The following SGCZ variants were observed in gnomAD, a reference collection of about 807,000 sequenced individuals.
The protein encoded by SGCZ is sarcoglycan zeta.
A neutral mutation model predicts 41.3 loss-of-function variants in SGCZ; 40 were observed. The observed-to-expected ratio is 0.97, with a 90% confidence interval of 0.75 to 1.26. The LOEUF is 1.26. Ranked by LOEUF, SGCZ falls within the 50% of genes most tolerant of loss-of-function variation. SGCZ has a pLI of 0.00. For synonymous variants in SGCZ, 206 were observed against 137.5 expected (o/e 1.50, Z -3.49); for missense variants, 552 against 369.8 (o/e 1.49, Z -4.04).
chr8:14,551,535 TATATATA>T (rs1563404619), intron 2 of SGCZ, among the ~76,000 whole-genome samples: 40 of 4,616 alleles, frequency 8.7e-3, no homozygotes, highest in East Asian at 0.034. Context: ...ATATATATAA[TATATATA>T]ATATATATAA....
intron 1 of SGCZ, among the ~76,000 whole-genome samples, chr8:14,829,361 G>T (rs1017406584): frequency 6.6e-6 from 1 of 152,214 alleles, no homozygotes; most frequent in African/African-American, 2.4e-5. Flanking sequence ...TAAATGGCTG[G>T]TATCATCCCT....
At chr8:14,983,244 G>C (rs969851817) in intron 1 of SGCZ, among the ~76,000 whole-genome samples, 1 of 151,072 alleles carries the variant, frequency 6.6e-6, no homozygotes, top group Non-Finnish European at 1.5e-5. Flanking sequence ...GGAGTGCAGT[G>C]GTGTAATCAT....
chr8:14,769,103 C>T (rs779053840), intron 1 of SGCZ, among the ~76,000 whole-genome samples: 3 of 151,688 alleles, frequency 2.0e-5, no homozygotes, highest in Non-Finnish European at 4.4e-5. Context: ...AAAATAAATC[C>T]GCCGAATAAA....
intron 1 of SGCZ, among the ~76,000 whole-genome samples, chr8:15,139,676 A>G (rs1808249082): frequency 6.6e-6 from 1 of 152,188 alleles, no homozygotes; most frequent in African/African-American, 2.4e-5. Flanking sequence ...ACCATAAAAT[A>G]TTTTAACTAT....
At chr8:14,975,461 A>G (rs1247418505) in intron 1 of SGCZ, among the ~76,000 whole-genome samples, 3 of 152,160 alleles carry the variant, frequency 2.0e-5, no homozygotes, top group Non-Finnish European at 4.4e-5. Context: ...AATCTGAAAG[A>G]TATGTAGGCT....
At chr8:14,312,445 G>A (rs1801578322) in intron 3 of SGCZ, among the ~76,000 whole-genome samples, 1 of 152,086 alleles carries the variant, frequency 6.6e-6, no homozygotes. Flanking sequence ...TATACTAGTT[G>A]GAGAACAATT....
chr8:14,179,199 G>A (rs1284859343), intron 4 of SGCZ, among the ~76,000 whole-genome samples: 1 of 152,180 alleles, frequency 6.6e-6, no homozygotes, highest in African/African-American at 2.4e-5. Context: ...ACAGTCCCAT[G>A]TGTCCTGTGA....
At chr8:14,599,732 T>C (rs1015742022) in intron 1 of SGCZ, among the ~76,000 whole-genome samples, 24 of 152,210 alleles carry the variant, frequency 1.6e-4, no homozygotes, top group Non-Finnish European at 3.1e-4. Flanking sequence ...ACTCCTCTAC[T>C]CTTTCTTTTT....
At chr8:14,633,250 C>T (rs1806717552) in intron 1 of SGCZ, among the ~76,000 whole-genome samples, 1 of 151,910 alleles carries the variant, frequency 6.6e-6, no homozygotes, top group Admixed American at 6.6e-5. Context: ...ATAGACAGCA[C>T]AGTTTATTGG....
chr8:14,171,899 C>G (rs1355090609), intron 4 of SGCZ, among the ~76,000 whole-genome samples: 1 of 152,030 alleles, frequency 6.6e-6, no homozygotes, highest in Non-Finnish European at 1.5e-5. Flanking sequence ...GAATTAAATG[C>G]TGAACAAGAA....
chr8:14,390,051 G>C (rs59067824), intron 2 of SGCZ, among the ~76,000 whole-genome samples: 6,805 of 151,952 alleles, frequency 0.045, 495 homozygotes, highest in African/African-American at 0.15. Context: ...TTATCCGTTT[G>C]TAGAACTTTA....
At chr8:14,539,397 A>G (rs965119373) in intron 2 of SGCZ, among the ~76,000 whole-genome samples, 6 of 152,048 alleles carry the variant, frequency 3.9e-5, no homozygotes, top group African/African-American at 1.4e-4. Context: ...CAATAAAATT[A>G]GGGAACTCAG....
intron 3 of SGCZ, among the ~76,000 whole-genome samples, chr8:14,304,768 T>C (rs1801298278): frequency 6.6e-6 from 1 of 152,198 alleles, no homozygotes. Flanking sequence ...TTGAAAACTA[T>C]AAGGCTATTT....
chr8:14,692,665 C>T (rs1213016196), intron 1 of SGCZ, among the ~76,000 whole-genome samples: 2 of 152,106 alleles, frequency 1.3e-5, no homozygotes, highest in Non-Finnish European at 2.9e-5. Context: ...CTATTTGTAT[C>T]GCCATTTGGG....
intron 1 of SGCZ, among the ~76,000 whole-genome samples, chr8:14,809,074 C>G (rs1801654922): frequency 7.1e-6 from 1 of 139,946 alleles, no homozygotes; most frequent in African/African-American, 2.9e-5. Context: ...ACTCTGGGGA[C>G]TGTTGTGGGG....
chr8:14,811,067 G>C (rs1362734024), intron 1 of SGCZ, among the ~76,000 whole-genome samples: 2 of 151,832 alleles, frequency 1.3e-5, no homozygotes, highest in African/African-American at 4.8e-5. Flanking sequence ...AGAAAGCTAA[G>C]CTTATATAAA....
intron 1 of SGCZ, among the ~76,000 whole-genome samples, chr8:14,864,234 T>C (rs1803850258): frequency 6.6e-6 from 1 of 151,814 alleles, no homozygotes; most frequent in East Asian, 1.9e-4. Context: ...TCCCACCACT[T>C]ACATGTTTCC....
chr8:14,806,761 T>G (rs955950605), intron 1 of SGCZ, among the ~76,000 whole-genome samples: 1 of 152,136 alleles, frequency 6.6e-6, no homozygotes, highest in Admixed American at 6.5e-5. Context: ...TACCAAAGCC[T>G]GGCAGAGACA....
intron 2 of SGCZ, among the ~76,000 whole-genome samples, chr8:14,510,835 G>C (rs571353094): frequency 6.6e-6 from 1 of 151,994 alleles, no homozygotes; most frequent in African/African-American, 2.4e-5. Context: ...TAAGCCTTTT[G>C]CCAGTTTTAC....
Sources: gnomAD v4.1 joint callset for allele counts (sites outside exome capture counted in the v4.1 genomes callset) on GRCh38, gnomAD v4.1.1 for gene constraint, MANE v1.5 for transcripts, NCBI Gene and HGNC (gene_info 2026-07-23, HGNC 2026-07-21) for gene names.